Variants in SMIM5 observed in about 807,000 individuals in gnomAD.
SMIM5 encodes chromosome 17 open reading frame 109.
Under a neutral mutation model 4.0 loss-of-function variants are expected in SMIM5, and 4 were observed. The ratio of observed to expected loss-of-function variants is 1.01; its 90% confidence interval spans 0.50 to 2.30. SMIM5 has a LOEUF of 2.30. Among genes scored for constraint, SMIM5 ranks in the 30% most tolerant of loss-of-function variants. The pLI, the probability that SMIM5 is intolerant of heterozygous loss-of-function variation, is 0.02. For missense variants in SMIM5, 107 were observed against 99.2 expected (o/e 1.08, Z -0.34); for synonymous variants, 46 against 43.6 (o/e 1.05, Z -0.22).
chr17:75,633,876 G>C lies in SMIM5; in HGVS notation c.-363G>C, dbSNP rs1227439483. ...GCGTGGGAGTCGGGGAGAGGGAGAG[G>C]AGGAGGAAGGAGGAGGAGAGAGGGA... On this transcript the variant is annotated 5_prime_UTR_variant, in exon 1 of 3. Coordinates refer to ENST00000375215, the MANE Select transcript of SMIM5 (RefSeq NM_001162995.3). 4 of 993,182 alleles carry C rather than the reference G, an allele frequency of 4.0e-6. No individual in the cohort carries two copies. Among genetic ancestry groups the C allele is most frequent in the Non-Finnish European group, 4.8e-6 (4 of 834,040 alleles). 61.5% of individuals were successfully genotyped at this position (993,182 alleles called of 1,614,324 possible). A position where few individuals can be genotyped will look rare whatever the true frequency, so the allele number is the denominator to read the frequency against.
chr17:75,639,036 A>C (rs2059381479), intron 1 of SMIM5: 1 of 152,302 alleles, frequency 6.6e-6, no homozygotes, highest in Admixed American at 6.5e-5. Flanking sequence ...CTGGGTGCTC[A>C]TGCAAAGACC....
At chr17:75,637,999 C>T (rs77025840) in intron 1 of SMIM5, 3,464 of 152,330 alleles carry the variant, frequency 0.023, 60 homozygotes, top group Non-Finnish European at 0.036. Context: ...TGATCTATAG[C>T]ATTCTAGGAC....
rs2059318272 is a variant in SMIM5 at position 75,636,174 on chromosome 17, G to A, written c.-37+1972G>A. ...TTAAGGCCAGAGGGAGCCACCACTTGCTCTGGCAGCCACTCAGGAACCCCT... is the reference window on the plus strand; with the variant it reads ...TTAAGGCCAGAGGGAGCCACCACTTACTCTGGCAGCCACTCAGGAACCCCT... On this transcript the variant is annotated intron_variant, in intron 1 of 2. Coordinates refer to ENST00000375215, the MANE Select transcript of SMIM5 (RefSeq NM_001162995.3). The surrounding 1 kb of genome is among the most constrained non-coding windows in gnomAD (Gnocchi z 5.4). 6.6e-6 allele frequency among the ~76,000 whole-genome samples: 1 copy of A among 152,170 alleles called. No homozygotes were observed. Among genetic ancestry groups the A allele is most frequent in the Non-Finnish European group, 1.5e-5 (1 of 68,024 alleles).
At chr17:75,639,438 G>A (rs1174110656) in intron 1 of SMIM5, 1 of 152,302 alleles carries the variant, frequency 6.6e-6, no homozygotes, top group African/African-American at 2.4e-5. Flanking sequence ...CCTGAGACAG[G>A]AAGAGGCTCT....
chr17:75,638,768 A>G, intron 1 of SMIM5: 1 of 152,482 alleles, frequency 6.6e-6, no homozygotes. Context: ...AGAGACATGA[A>G]GCAACCTGTT....
rs2059334925 is a variant in SMIM5, at chr17:75,636,965, C to A, written c.-37+2763C>A. 6.6e-6 allele frequency: 1 copy of A among 152,258 alleles called. No homozygotes were observed. 9.4% of individuals were successfully genotyped at this position (152,258 alleles called of 1,614,324 possible). On this transcript the variant is annotated intron_variant, in intron 1 of 2. Coordinates refer to ENST00000375215, the MANE Select transcript of SMIM5 (RefSeq NM_001162995.3). The surrounding 1 kb of genome is among the most constrained non-coding windows in gnomAD (Gnocchi z 5.4). Reference sequence around the variant, plus strand: ...AAGCCCTGGGCGCAAAGCTATGACACTGTCCACAGCCGCAGCCTGCTGCTG... The same window carrying A: ...AAGCCCTGGGCGCAAAGCTATGACAATGTCCACAGCCGCAGCCTGCTGCTG...
At position 75,641,053 on chromosome 17, in the gene SMIM5, C is replaced by T; in HGVS notation, c.*156C>T. ...GTACCTGGACACTGACAACTTGAGC[C>T]CTACCAAGGAAACAAGGGCTGGTAT... On this transcript the variant is annotated 3_prime_UTR_variant, in exon 3 of 3. Coordinates refer to ENST00000375215, the MANE Select transcript of SMIM5 (RefSeq NM_001162995.3). The T allele has an allele frequency of 7.4e-7, 1 of 1,346,628 alleles. No homozygotes were observed. Among genetic ancestry groups the T allele is most frequent in the South Asian group, 1.5e-5 (1 of 66,392 alleles). 83.4% of individuals were successfully genotyped at this position (1,346,628 alleles called of 1,614,324 possible). A position where few individuals can be genotyped will look rare whatever the true frequency, so the allele number is the denominator to read the frequency against.
At chr17:75,634,341 A>G in intron 1 of SMIM5, 139 bp downstream of exon 1, 1 of 804,554 alleles carries the variant, frequency 1.2e-6, no homozygotes, top group Non-Finnish European at 1.5e-6. Context: ...CCTGCAGGGA[A>G]GTCAGCCAGC....
intron 1 of SMIM5, 171 bp downstream of exon 1, chr17:75,634,373 T>G: frequency 2.0e-6 from 1 of 497,588 alleles, no homozygotes; most frequent in Non-Finnish European, 2.6e-6. Flanking sequence ...ACCTGCACTC[T>G]CCCTGCTGCT....
At position 75,640,254 on chromosome 17, in the gene SMIM5, T is replaced by C; in HGVS notation, c.53T>C (p.Leu18Pro). Residue 18 changes from leucine to proline, a missense_variant, in exon 2 of 3, where the codon CTG (leucine) becomes CCG (proline). Physicochemically the swap from Leu to Pro is moderately conservative, Grantham distance 98. Transcript: ENST00000375215. The surrounding 1 kb of genome is among the most constrained non-coding windows in gnomAD (Gnocchi z 4.6). ...ATGCGCGCCGTGGGCGAGAGGCTGC[T>C]GCTCAAGCTGCAGAGACTGCCCCAG... Reference protein sequence around the residue: ...QEMRAVGERLLLKLQRLPQAE... With the variant: ...QEMRAVGERLPLKLQRLPQAE... 6.4e-7 allele frequency: 1 copy of C among 1,551,456 alleles called. No individual in the cohort carries two copies. The highest frequency in any genetic ancestry group is 2.4e-5 in the East Asian group (1 of 40,900).
intron 1 of SMIM5, among the ~76,000 whole-genome samples, chr17:75,634,707 G>GT (rs1341806462): frequency 6.6e-6 from 1 of 152,224 alleles, no homozygotes; most frequent in Non-Finnish European, 1.5e-5. Flanking sequence ...CTCACTGCTG[G>GT]TGTTCTCAGC....
Position 75,640,253 on chromosome 17 carries a change from C to T in SMIM5, c.52C>T (p.Leu18=). ...GATGCGCGCCGTGGGCGAGAGGCTGCTGCTCAAGCTGCAGAGACTGCCCCA... is the reference window on the plus strand; with the variant it reads ...GATGCGCGCCGTGGGCGAGAGGCTGTTGCTCAAGCTGCAGAGACTGCCCCA... ...QEMRAVGERL[L]LKLQRLPQAE... The change falls in exon 2 of 3, where the codon CTG becomes TTG. Residue 18 remains leucine, a synonymous_variant. Coordinates refer to ENST00000375215, the MANE Select transcript of SMIM5 (RefSeq NM_001162995.3). The surrounding 1 kb of genome is among the most constrained non-coding windows in gnomAD (Gnocchi z 4.6). 1 of 1,551,418 alleles carries T rather than the reference C, an allele frequency of 6.4e-7. No homozygotes were observed. Among genetic ancestry groups the T allele is most frequent in the African/African-American group, 1.4e-5 (1 of 73,172 alleles).
chr17:75,640,695 G>A lies in SMIM5; in HGVS notation c.128-96G>A. 6.7e-7 allele frequency: 1 copy of A among 1,498,264 alleles called. No individual in the cohort carries two copies. The highest frequency in any genetic ancestry group is 8.9e-7 in the Non-Finnish European group (1 of 1,120,064). 92.8% of individuals were successfully genotyped at this position (1,498,264 alleles called of 1,614,324 possible). A position where few individuals can be genotyped will look rare whatever the true frequency, so the allele number is the denominator to read the frequency against. On this transcript the variant is annotated intron_variant, in intron 2 of 2. Coordinates refer to ENST00000375215, the MANE Select transcript of SMIM5 (RefSeq NM_001162995.3). This position sits in a 1 kb window ranked among gnomAD's most constrained non-coding sequence, Gnocchi z 4.6. ...TTCTGACCTCCACCAAACCTGTGGG[G>A]GAAAGACCCTGGCAGGCAGTGGGTT...
rs1037638731 is a variant in SMIM5 at position 75,634,161 on chromosome 17, G to A, written c.-78G>A. 24 of 985,494 alleles carry A rather than the reference G, an allele frequency of 2.4e-5. No homozygotes were observed. The South Asian group carries it at 7.0e-4, about 29-fold the overall frequency. The allele number at this position is 985,494 out of a possible 1,614,324, so 61.0% of individuals were successfully genotyped here. ...CGAGGACAGCACGTGGAGGCTCCGC[G>A]CTGGGGCACTGCTGCTCAGCCCCCA... On this transcript the variant is annotated 5_prime_UTR_variant, in exon 1 of 3. Coordinates refer to ENST00000375215, the MANE Select transcript of SMIM5 (RefSeq NM_001162995.3).
Position 75,641,048 on chromosome 17 carries a change from T to G in SMIM5, c.*151T>G. On this transcript the variant is annotated 3_prime_UTR_variant, in exon 3 of 3. Transcript: ENST00000375215. ...CCCAGGTACCTGGACACTGACAACT[T>G]GAGCCCTACCAAGGAAACAAGGGCT... is the stretch of plus-strand genomic sequence containing the variant. 1 of 1,365,488 alleles carries G rather than the reference T, an allele frequency of 7.3e-7. No individual in the cohort carries two copies. The highest frequency in any genetic ancestry group is 9.7e-7 in the Non-Finnish European group (1 of 1,029,280). The allele number at this position is 1,365,488 out of a possible 1,614,324, so 84.6% of individuals were successfully genotyped here. A position where few individuals can be genotyped will look rare whatever the true frequency, so the allele number is the denominator to read the frequency against.
chr17:75,640,867 G>T lies in SMIM5; in HGVS notation c.204G>T (p.Arg68Ser). 1 of 1,547,680 alleles carries T rather than the reference G, an allele frequency of 6.5e-7. No individual in the cohort carries two copies. Residue 68 changes from arginine to serine, a missense_variant, in exon 3 of 3, where the codon AGG becomes AGT. Coordinates refer to ENST00000375215, the MANE Select transcript of SMIM5 (RefSeq NM_001162995.3). The surrounding 1 kb of genome is among the most constrained non-coding windows in gnomAD (Gnocchi z 4.6). ...THCCCPERRG[R>S]KVQVQPTPP Reference sequence around the variant, plus strand: ...GCTGCTGCCCTGAGCGGAGAGGCAGGAAGGTCCAGGTGCAGCCGACACCAC... The same window carrying T: ...GCTGCTGCCCTGAGCGGAGAGGCAGTAAGGTCCAGGTGCAGCCGACACCAC...
At chr17:75,634,726 C>T (rs991431947) in intron 1 of SMIM5, among the ~76,000 whole-genome samples, 1 of 152,226 alleles carries the variant, frequency 6.6e-6, no homozygotes, top group Non-Finnish European at 1.5e-5. Flanking sequence ...GCTCACGGCT[C>T]AGCCTGGGTC....
Position 75,640,682 on chromosome 17 carries a change from C to T in SMIM5, c.128-109C>T. On this transcript the variant is annotated intron_variant, in intron 2 of 2. Coordinates refer to ENST00000375215, the MANE Select transcript of SMIM5 (RefSeq NM_001162995.3). The surrounding 1 kb of genome is among the most constrained non-coding windows in gnomAD (Gnocchi z 4.6). ...GCCTCTCGGATCTTTCTGACCTCCACCAAACCTGTGGGGGAAAGACCCTGG... is the reference window on the plus strand; with the variant it reads ...GCCTCTCGGATCTTTCTGACCTCCATCAAACCTGTGGGGGAAAGACCCTGG... 1 of 1,485,712 alleles carries T rather than the reference C, an allele frequency of 6.7e-7. No individual in the cohort carries two copies. The highest frequency in any genetic ancestry group is 9.0e-7 in the Non-Finnish European group (1 of 1,114,658). 92.0% of individuals were successfully genotyped at this position (1,485,712 alleles called of 1,614,324 possible).
Position 75,633,873 on chromosome 17 carries a change from GAGGAGGAGGA to G in SMIM5, c.-355_-346del. On this transcript the variant is annotated 5_prime_UTR_variant, in exon 1 of 3. It introduces an in-frame stop codon into an upstream open reading frame of the 5' UTR. Transcript: ENST00000375215. ...ACGGCGTGGGAGTCGGGGAGAGGGAGAGGAGGAGGAAGGAGGAGGAGAGAGGGAGCTTGTC... is the reference window on the plus strand; with the variant it reads ...ACGGCGTGGGAGTCGGGGAGAGGGAGAGGAGGAGGAGAGAGGGAGCTTGTC... The G allele has an allele frequency of 4.0e-6, 4 of 994,122 alleles. No homozygotes were observed. The African/African-American group carries it at 5.2e-5, about 13-fold the overall frequency. The allele number at this position is 994,122 out of a possible 1,614,324, so 61.6% of individuals were successfully genotyped here.
Sources: allele counts gnomAD v4.1 joint callset (sites outside exome capture counted in the v4.1 genomes callset), GRCh38; gene constraint gnomAD v4.1.1; non-coding constraint Gnocchi (gnomAD v3.1); transcripts MANE v1.5; gene names NCBI Gene and HGNC (gene_info 2026-07-23, HGNC 2026-07-21).